The following KALRN variants were observed in gnomAD, a reference collection of about 807,000 sequenced individuals.
KALRN encodes the protein kalirin RhoGEF kinase, also known as kalirin.
KALRN carries 70 observed loss-of-function variants against 353.7 expected under a neutral mutation model. The observed-to-expected ratio is 0.20, with a 90% confidence interval of 0.16 to 0.24. KALRN has a LOEUF of 0.24. KALRN is among the 10% of genes least tolerant of loss of function. KALRN has a pLI of 1.00. For synonymous variants in KALRN, 1,391 were observed against 1,434.8 expected (o/e 0.97, Z 0.69); for missense variants, 2,791 against 3,756.7 (o/e 0.74, Z 6.72).
At chr3:124,637,610 GAT>G (rs200653179) in intron 37 of KALRN, among the ~76,000 whole-genome samples, 1 of 152,118 alleles carries the variant, frequency 6.6e-6, no homozygotes, top group Non-Finnish European at 1.5e-5. Flanking sequence ...GTCAGTGATT[GAT>G]ATGTATTTGG....
At chr3:124,344,503 G>C (rs1199319876) in intron 9 of KALRN, among the ~76,000 whole-genome samples, 4 of 152,200 alleles carry the variant, frequency 2.6e-5, no homozygotes, top group African/African-American at 9.6e-5. Flanking sequence ...AAACAAAATA[G>C]TCAGAAATTA....
intron 1 of KALRN, among the ~76,000 whole-genome samples, chr3:124,046,672 T>C (rs559433557): frequency 6.6e-6 from 1 of 152,214 alleles, no homozygotes; most frequent in South Asian, 2.1e-4. Flanking sequence ...ATGTCTAGGG[T>C]GAGGATGAGG....
chr3:124,254,225 T>A (rs989519220), intron 3 of KALRN, among the ~76,000 whole-genome samples: 1 of 152,018 alleles, frequency 6.6e-6, no homozygotes, highest in Non-Finnish European at 1.5e-5. Context: ...GTTCTCATGG[T>A]TTTATAAAAG....
At chr3:124,164,130 C>T (rs911608764) in intron 1 of KALRN, 22 of 261,572 alleles carry the variant, frequency 8.4e-5, no homozygotes, top group Admixed American at 1.3e-4. Flanking sequence ...TTAATTTAGG[C>T]GGCATATAAA....
intron 2 of KALRN, among the ~76,000 whole-genome samples, chr3:124,230,769 G>A (rs2079053043): frequency 6.7e-6 from 1 of 150,348 alleles, no homozygotes; most frequent in African/African-American, 2.4e-5. Context: ...TGTCTGGGAA[G>A]GACACTGAAT....
intron 1 of KALRN, among the ~76,000 whole-genome samples, chr3:124,131,128 GA>G (rs548892475): frequency 7.4e-4 from 113 of 152,332 alleles, no homozygotes; most frequent in East Asian, 6.6e-3. Flanking sequence ...AAGGAAGAGA[GA>G]TTGCTGAAGT....
intron 1 of KALRN, among the ~76,000 whole-genome samples, chr3:124,208,580 A>G (rs555320375): frequency 3.9e-5 from 6 of 152,296 alleles, no homozygotes; most frequent in Admixed American, 6.5e-5. Flanking sequence ...TTACAGAGGG[A>G]GATGAAGAAG....
chr3:124,081,129 A>G (rs1411817088), intron 1 of KALRN, among the ~76,000 whole-genome samples: 1 of 152,086 alleles, frequency 6.6e-6, no homozygotes, highest in Non-Finnish European at 1.5e-5. Context: ...AGAAATCCAG[A>G]CTCACCTTCT....
intron 6 of KALRN, among the ~76,000 whole-genome samples, chr3:124,322,618 G>T (rs1490445304): frequency 1.3e-5 from 2 of 152,176 alleles, no homozygotes; most frequent in Non-Finnish European, 2.9e-5. Context: ...GTTCCTAATA[G>T]GGGCATAAAC....
intron 1 of KALRN, among the ~76,000 whole-genome samples, chr3:124,138,939 A>G (rs2066281947): frequency 6.6e-6 from 1 of 152,196 alleles, no homozygotes; most frequent in Non-Finnish European, 1.5e-5. Flanking sequence ...TTGTTTACAT[A>G]TGTATGTATC....
chr3:124,184,590 G>C (rs1579093128), intron 1 of KALRN, among the ~76,000 whole-genome samples: 1 of 152,098 alleles, frequency 6.6e-6, no homozygotes, highest in South Asian at 2.1e-4. Context: ...TGAAGACACA[G>C]GTCAATTTTC....
chr3:124,398,007 C>T (rs1039678482), intron 12 of KALRN, among the ~76,000 whole-genome samples: 4 of 152,186 alleles, frequency 2.6e-5, no homozygotes, highest in African/African-American at 9.7e-5. Context: ...TTATTAAGTC[C>T]ACTTGACAGA....
chr3:124,676,653 A>C (rs1184149563), intron 49 of KALRN, among the ~76,000 whole-genome samples: 1 of 152,200 alleles, frequency 6.6e-6, no homozygotes, highest in Non-Finnish European at 1.5e-5. Context: ...TAAATGTAGA[A>C]ACACACCCCC....
At chr3:124,592,691 A>G (rs571794685) in intron 34 of KALRN, among the ~76,000 whole-genome samples, 19 of 152,178 alleles carry the variant, frequency 1.2e-4, no homozygotes, top group Non-Finnish European at 2.4e-4. Flanking sequence ...CTCCACCAGT[A>G]TCTTCCCCCT....
At chr3:124,340,434 A>C (rs980096979) in intron 9 of KALRN, among the ~76,000 whole-genome samples, 1 of 152,100 alleles carries the variant, frequency 6.6e-6, no homozygotes, top group African/African-American at 2.4e-5. Flanking sequence ...AAGGCATGAG[A>C]ATCACTTGAA....
At position 124,148,725 on chromosome 3, in the gene KALRN, G is replaced by GA. The variant is rs138374108; in HGVS notation, c.74-79255dup. Among the ~76,000 whole-genome samples the GA allele has an allele frequency of 3.0e-3, 444 of 147,520 alleles. 3 individuals carry two copies. The highest frequency in any genetic ancestry group is 8.7e-3 in the African/African-American group (351 of 40,470). On this transcript the variant is annotated intron_variant, in intron 1 of 59. Transcript: ENST00000682506. The stretch of plus-strand genomic sequence containing the variant: ...ATCAGATTACTTTCAGGTGAAAAAG[G>GA]AAAAAAAAAATAGGTAAAGGTTCTT...
rs554702649 is a variant in KALRN at position 124,177,000 on chromosome 3, C to T, written c.74-50990C>T. On this transcript the variant is annotated intron_variant, in intron 1 of 59. Coordinates refer to ENST00000682506, the MANE Select transcript of KALRN (RefSeq NM_001388419.1). ...AGAGAGGCCCATTGGGTCCCAAGGG[C>T]TCAAAGCACTTAGCAAGGATCACCT... Among the ~76,000 whole-genome samples, 13 of 152,282 alleles carry T rather than the reference C, an allele frequency of 8.5e-5. No homozygotes were observed. The South Asian group carries it at 2.7e-3, about 32-fold the overall frequency.
intron 1 of KALRN, among the ~76,000 whole-genome samples, chr3:124,129,644 T>C (rs1480537958): frequency 6.6e-6 from 1 of 152,202 alleles, no homozygotes; most frequent in Admixed American, 6.5e-5. Flanking sequence ...AAGATAGAGC[T>C]TGGTCTTCTG....
chr3:124,574,549 T>G (rs917807747), intron 34 of KALRN, among the ~76,000 whole-genome samples: 8 of 152,138 alleles, frequency 5.3e-5, no homozygotes, highest in African/African-American at 1.9e-4. Context: ...AGAGCTAAAA[T>G]GAGAGCCTCA....
Sources: allele counts gnomAD v4.1 joint callset (sites outside exome capture counted in the v4.1 genomes callset), GRCh38; gene constraint gnomAD v4.1.1; transcripts MANE v1.5; gene names NCBI Gene and HGNC (gene_info 2026-07-23, HGNC 2026-07-21).